The following OSTF1 variants were observed in gnomAD, a reference collection of about 807,000 sequenced individuals.
OSTF1 encodes osteoclast-stimulating factor 1.
OSTF1 carries 27 observed loss-of-function variants against 37.2 expected under a neutral mutation model. That is an observed-to-expected ratio of 0.73 (90% CI 0.54 to 1.00). The LOEUF is 1.00. OSTF1 is among the 50% of genes least tolerant of loss of function. OSTF1 has a pLI of 0.00. For missense variants in OSTF1, 232 were observed against 253.8 expected, an observed-to-expected ratio of 0.91 and a Z score of 0.58; for synonymous variants, 82 against 89.2, an observed-to-expected ratio of 0.92 and a Z score of 0.46.
At chr9:75,116,571 G>A (rs1030349436) in intron 1 of OSTF1, among the ~76,000 whole-genome samples, 2 of 150,836 alleles carry the variant, frequency 1.3e-5, no homozygotes, top group African/African-American at 2.4e-5. Context: ...TCTGTTTTGG[G>A]ACTTAATGGA....
At chr9:75,125,221 C>T (rs1487950584) in intron 2 of OSTF1, among the ~76,000 whole-genome samples, 2 of 152,176 alleles carry the variant, frequency 1.3e-5, no homozygotes, top group Non-Finnish European at 2.9e-5. Context: ...GAGGTTGGGG[C>T]AGAGGTGGCT....
At chr9:75,119,488 T>C (rs1249545469) in intron 2 of OSTF1, among the ~76,000 whole-genome samples, 3 of 152,244 alleles carry the variant, frequency 2.0e-5, no homozygotes, top group African/African-American at 7.2e-5. Flanking sequence ...TTCTACAGAC[T>C]GGGTGATTTA....
intron 1 of OSTF1, among the ~76,000 whole-genome samples, chr9:75,102,506 G>A (rs1038998538): frequency 2.0e-5 from 3 of 152,138 alleles, no homozygotes; most frequent in Non-Finnish European, 2.9e-5. Context: ...CCTTTTTTAC[G>A]TTTTATGAGT....
intron 8 of OSTF1, among the ~76,000 whole-genome samples, chr9:75,139,079 A>G (rs1195573256): frequency 3.3e-5 from 2 of 59,766 alleles, no homozygotes; most frequent in Non-Finnish European, 7.7e-5. Flanking sequence ...CTGGGTCTCT[A>G]TTGCCCAGGC....
intron 9 of OSTF1, among the ~76,000 whole-genome samples, chr9:75,144,998 T>C (rs1230369032): frequency 6.6e-6 from 1 of 152,220 alleles, no homozygotes; most frequent in Non-Finnish European, 1.5e-5. Context: ...TGGACATTGC[T>C]AACTGCATTC....
chr9:75,140,586 A>C (rs541780529), intron 8 of OSTF1, among the ~76,000 whole-genome samples: 1 of 152,244 alleles, frequency 6.6e-6, no homozygotes, highest in Non-Finnish European at 1.5e-5. Context: ...TGAAAAGTTC[A>C]CATGCAATTC....
chr9:75,120,028 A>G (rs546687483), intron 2 of OSTF1, among the ~76,000 whole-genome samples: 658 of 152,268 alleles, frequency 4.3e-3, no homozygotes, highest in Non-Finnish European at 7.2e-3. Context: ...ATTTTAACTT[A>G]GTTAACTCTA....
intron 9 of OSTF1, 47 bp downstream of exon 9, chr9:75,140,979 G>A: frequency 7.5e-7 from 1 of 1,336,534 alleles, no homozygotes; most frequent in East Asian, 2.3e-5. Flanking sequence ...CCATAACTAA[G>A]ATTTATTAAC....
At chr9:75,115,847 T>C (rs1235644909) in intron 1 of OSTF1, among the ~76,000 whole-genome samples, 1 of 152,130 alleles carries the variant, frequency 6.6e-6, no homozygotes, top group Admixed American at 6.5e-5. Context: ...CTCATGCCTG[T>C]AATCCCAGCA....
At chr9:75,097,807 C>G (rs1267274961) in intron 1 of OSTF1, among the ~76,000 whole-genome samples, 1 of 147,950 alleles carries the variant, frequency 6.8e-6, no homozygotes, top group Non-Finnish European at 1.5e-5. Context: ...TTGTAGTTAA[C>G]TTGCTAGGTG....
chr9:75,107,044 A>G (rs913679725), intron 1 of OSTF1, among the ~76,000 whole-genome samples: 7 of 151,478 alleles, frequency 4.6e-5, no homozygotes, highest in Admixed American at 2.0e-4. Context: ...GATCTGGGCC[A>G]GGAGGCCTGT....
intron 1 of OSTF1, among the ~76,000 whole-genome samples, chr9:75,092,664 A>G (rs982850559): frequency 2.0e-5 from 3 of 152,136 alleles, no homozygotes; most frequent in African/African-American, 4.8e-5. Flanking sequence ...GATAATCACT[A>G]TTTACATTTG....
chr9:75,105,661 A>G (rs1180396203), intron 1 of OSTF1, among the ~76,000 whole-genome samples: 1 of 151,632 alleles, frequency 6.6e-6, no homozygotes, highest in Non-Finnish European at 1.5e-5. Context: ...AATTTCAAGG[A>G]CAGAGATCAT....
intron 7 of OSTF1, among the ~76,000 whole-genome samples, chr9:75,136,778 G>A (rs1825850444): frequency 6.6e-6 from 1 of 152,160 alleles, no homozygotes; most frequent in South Asian, 2.1e-4. Context: ...AGGGTGATGT[G>A]GTGAGGTCCT....
At chr9:75,146,598 A>AGATAGAGC (rs1190478241) in intron 9 of OSTF1, 85 bp from the exon 10 acceptor site, 2 of 903,590 alleles carry the variant, frequency 2.2e-6, no homozygotes, top group African/African-American at 3.3e-5. Context: ...TTCTATTCTA[A>AGATAGAGC]TTTAAGAGCT....
At chr9:75,119,445 T>C (rs1382080356) in intron 2 of OSTF1, among the ~76,000 whole-genome samples, 2 of 152,112 alleles carry the variant, frequency 1.3e-5, no homozygotes, top group Non-Finnish European at 2.9e-5. Context: ...TGGGAATGGG[T>C]AGAGTTAGTT....
chr9:75,139,877 A>T (rs1356298089), intron 8 of OSTF1, among the ~76,000 whole-genome samples: 2 of 152,224 alleles, frequency 1.3e-5, no homozygotes, highest in Non-Finnish European at 2.9e-5. Flanking sequence ...TGACTTTCCA[A>T]TACCATTTTT....
chr9:75,128,776 T>G (rs1825717763), intron 3 of OSTF1, among the ~76,000 whole-genome samples: 1 of 151,116 alleles, frequency 6.6e-6, no homozygotes, highest in Admixed American at 6.6e-5. Flanking sequence ...CTAACGGATT[T>G]TCAGCATAGC....
intron 1 of OSTF1, among the ~76,000 whole-genome samples, chr9:75,102,466 T>A (rs1780251588): frequency 6.6e-6 from 1 of 152,234 alleles, no homozygotes; most frequent in Admixed American, 6.5e-5. Context: ...AGTGAATCAC[T>A]CAAAGTAAGG....
Sources: gnomAD v4.1 joint callset for allele counts (sites outside exome capture counted in the v4.1 genomes callset) on GRCh38, gnomAD v4.1.1 for gene constraint, MANE v1.5 for transcripts, NCBI Gene and HGNC (gene_info 2026-07-23, HGNC 2026-07-21) for gene names.